DNAH5: variants seen among roughly 807,000 people sequenced by gnomAD.
The protein encoded by DNAH5 is axonemal beta dynein heavy chain 5.
Under a neutral mutation model 518.2 loss-of-function variants are expected in DNAH5, and 372 were observed. That is an observed-to-expected ratio of 0.72 (90% confidence interval 0.66 to 0.78). DNAH5 has a LOEUF of 0.78. Among genes scored for constraint, DNAH5 ranks in the 30% least tolerant of loss-of-function variants. The pLI, the probability that DNAH5 is intolerant of heterozygous loss-of-function variation, is 0.00. For missense variants in DNAH5, 5,523 were observed against 5,687.0 expected (o/e 0.97, Z 0.93); for synonymous variants, 2,039 against 2,025.9 (o/e 1.01, Z -0.17).
Position 13,717,295 on chromosome 5 carries a change from G to C in DNAH5, c.12705+20C>G, listed in dbSNP as rs760850770. 1.9e-6 allele frequency: 3 copies of C among 1,608,996 alleles called. No homozygotes were observed. Among genetic ancestry groups the C allele is most frequent in the South Asian group, 2.2e-5 (2 of 90,538 alleles). On this transcript the variant is annotated intron_variant, in intron 73 of 78. Coordinates refer to ENST00000265104, the MANE Select transcript of DNAH5 (RefSeq NM_001369.3). ...AAGCCCACAGCCACTAGAGGCATGA[G>C]GCAGCATGCGCGGCAGTACCTTTTT... is the stretch of plus-strand genomic sequence containing the variant.
intron 30 of DNAH5, among the ~76,000 whole-genome samples, chr5:13,858,187 T>C (rs377522309): frequency 1.3e-5 from 2 of 152,212 alleles, no homozygotes; most frequent in East Asian, 3.9e-4. Context: ...ATCAATGTTA[T>C]ACTGGATAAA....
intron 1 of DNAH5, among the ~76,000 whole-genome samples, chr5:13,975,250 C>G (rs1041131350): frequency 1.2e-4 from 18 of 152,148 alleles, no homozygotes; most frequent in Non-Finnish European, 1.5e-5. Flanking sequence ...CCAAGCAAAA[C>G]GGGTTTTTCC....
intron 1 of DNAH5, among the ~76,000 whole-genome samples, chr5:14,007,582 C>T (rs1784806499): frequency 6.6e-6 from 1 of 152,186 alleles, no homozygotes; most frequent in African/African-American, 2.4e-5. Flanking sequence ...GGTACAATGG[C>T]AGGCTTTCTC....
intron 35 of DNAH5, among the ~76,000 whole-genome samples, chr5:13,833,170 G>T (rs1763919102): frequency 6.6e-6 from 1 of 151,218 alleles, no homozygotes; most frequent in Non-Finnish European, 1.5e-5. Flanking sequence ...GCCAAGCACA[G>T]TGGCTCATGC....
chr5:13,832,675 C>T (rs1388502296), intron 35 of DNAH5, among the ~76,000 whole-genome samples: 1 of 152,208 alleles, frequency 6.6e-6, no homozygotes, highest in African/African-American at 2.4e-5. Flanking sequence ...TTGGTTCACA[C>T]TTGTACCCTC....
intron 12 of DNAH5, among the ~76,000 whole-genome samples, chr5:13,907,641 C>T (rs1457920857): frequency 6.6e-6 from 1 of 152,166 alleles, no homozygotes; most frequent in East Asian, 1.9e-4. Context: ...GAACGTCACA[C>T]ATCTTATACT....
At chr5:13,818,395 G>A (rs1458788722) in intron 41 of DNAH5, among the ~76,000 whole-genome samples, 1 of 152,206 alleles carries the variant, frequency 6.6e-6, no homozygotes, top group Non-Finnish European at 1.5e-5. Context: ...TCAGGAGTTC[G>A]AGATCAGCCT....
intron 65 of DNAH5, among the ~76,000 whole-genome samples, chr5:13,749,026 G>T (rs1224023309): frequency 6.6e-6 from 1 of 151,996 alleles, no homozygotes; most frequent in African/African-American, 2.4e-5. Flanking sequence ...AGACTGAGAA[G>T]GTCCAGCAGT....
chr5:13,930,395 G>A (rs1336374007), intron 2 of DNAH5, among the ~76,000 whole-genome samples: 5 of 152,128 alleles, frequency 3.3e-5, no homozygotes, highest in African/African-American at 1.2e-4. Context: ...CCCAAATCCA[G>A]TTGTTAAAAT....
At chr5:13,997,214 G>C (rs762905714) in intron 1 of DNAH5, among the ~76,000 whole-genome samples, 3 of 152,096 alleles carry the variant, frequency 2.0e-5, no homozygotes, top group African/African-American at 7.2e-5. Context: ...CTTCCCTTTT[G>C]ATTATAAATT....
rs1437605732 is a variant in DNAH5 at position 13,766,074 on chromosome 5, T to G, written c.10003A>C (p.Ser3335Arg). ...TTTTCCAGGTCAATTTTCACAGCAC[T>G]GACTTTCCTTTGAAACAGCAGCAGT... ...CVLLLFQRKV[S>R]AVKIDLEKSC... Residue 3335 changes from serine to arginine, a missense_variant, in exon 59 of 79, where the codon AGT becomes CGT. By Grantham distance (110) the Ser-to-Arg change is moderately radical (BLOSUM62 -1). This residue lies in a region of DNAH5 where 5,121 missense variants were observed against 5,223.3 expected (regional missense o/e 0.98). Transcript: ENST00000265104. The G allele has an allele frequency of 1.9e-6, 3 of 1,614,086 alleles. No homozygotes were observed.
At position 13,717,448 on chromosome 5, in the gene DNAH5, A is replaced by G. The variant is rs1312032248; in HGVS notation, c.12572T>C (p.Leu4191Pro). ...WKPMLYAVAF[L>P]HSTVQERRKF... ...GCGCCTCTCCTGGACAGTGGAGTGCAGGAAAGCCACTGCGTACAGCATGGG... is the reference window on the plus strand; with the variant it reads ...GCGCCTCTCCTGGACAGTGGAGTGCGGGAAAGCCACTGCGTACAGCATGGG... The change falls in exon 73 of 79, where the codon CTG becomes CCG. Residue 4191 changes from leucine (L) to proline (P), a missense_variant. Physicochemically the swap from Leu to Pro is moderately conservative, Grantham distance 98. Transcript: ENST00000265104. 6.2e-7 allele frequency: 1 copy of G among 1,614,192 alleles called. No homozygotes were observed. The highest frequency in any genetic ancestry group is 2.2e-5 in the East Asian group (1 of 44,870).
rs778257130 is a variant in DNAH5 at position 13,810,192 on chromosome 5, C to G, written c.7476G>C (p.Ala2492=). The G allele has an allele frequency of 1.3e-6, 2 of 1,549,650 alleles. No individual in the cohort carries two copies. The highest frequency in any genetic ancestry group is 2.0e-5 in the Admixed American group (1 of 50,964). ...RLFVFALLWS[A]GAALELDGRR... ...GTCCGTCCAGCTCCAGCGCCGCCCC[C>G]GCGCTCCACAGCAGCGCGAACACGA... The change falls in exon 45 of 79, where the codon GCG becomes GCC. Residue 2492 remains alanine, a synonymous_variant. Coordinates refer to ENST00000265104, the MANE Select transcript of DNAH5 (RefSeq NM_001369.3).
At position 13,827,649 on chromosome 5, in the gene DNAH5, C is replaced by A. The variant is rs543914258; in HGVS notation, c.6444+1861G>T. ...ACTTTGAGGGACTGTTGGAAGGGCA[C>A]GACTGTATTATGAATTGTGAGGACA... On this transcript the variant is annotated intron_variant, in intron 38 of 78. Coordinates refer to ENST00000265104, the MANE Select transcript of DNAH5 (RefSeq NM_001369.3). 1.4e-4 allele frequency among the ~76,000 whole-genome samples: 21 copies of A among 151,372 alleles called. No individual in the cohort carries two copies. In the East Asian group the frequency reaches 4.1e-3, roughly 30 times the overall value.
chr5:13,824,170 G>C (rs774925626), intron 39 of DNAH5, 29 bp downstream of exon 39: 27 of 1,611,742 alleles, frequency 1.7e-5, no homozygotes, highest in Non-Finnish European at 2.2e-5. Flanking sequence ...TATCCAAGTA[G>C]GTGGAACACT....
rs182674844 is a variant in DNAH5 at position 13,881,928 on chromosome 5, C to G, written c.3262+800G>C. Among the ~76,000 whole-genome samples, 15 of 152,008 alleles carry G rather than the reference C, an allele frequency of 9.9e-5. No individual in the cohort carries two copies. The East Asian group carries it at 1.7e-3, about 18-fold the overall frequency. Reference sequence around the variant, plus strand: ...GAAAAGCTACACAAAGTTGACAAATCCTTAGCTAGACTAAGTAAAAAAGAG... The same window carrying G: ...GAAAAGCTACACAAAGTTGACAAATGCTTAGCTAGACTAAGTAAAAAAGAG... On this transcript the variant is annotated intron_variant, in intron 21 of 78. Coordinates refer to ENST00000265104, the MANE Select transcript of DNAH5 (RefSeq NM_001369.3).
intron 1 of DNAH5, among the ~76,000 whole-genome samples, chr5:13,954,819 C>T (rs1404777386): frequency 6.6e-6 from 1 of 152,170 alleles, no homozygotes; most frequent in African/African-American, 2.4e-5. Context: ...CACATTGGGA[C>T]ATCTCTGACT....
intron 57 of DNAH5, among the ~76,000 whole-genome samples, 173 bp from the exon 58 acceptor site, chr5:13,769,309 G>A (rs564205632): frequency 1.9e-4 from 28 of 147,060 alleles, no homozygotes; most frequent in Non-Finnish European, 3.3e-4. Context: ...GTGCAGTAGC[G>A]CGATCTTGGC....
At chr5:13,699,952 A>G (rs941875470) in intron 78 of DNAH5, among the ~76,000 whole-genome samples, 6 of 152,222 alleles carry the variant, frequency 3.9e-5, no homozygotes, top group Non-Finnish European at 7.3e-5. Context: ...GAAAACATCA[A>G]TCCAATAACG....
Sources: allele counts gnomAD v4.1 joint callset (sites outside exome capture counted in the v4.1 genomes callset), GRCh38; gene constraint gnomAD v4.1.1; regional missense constraint gnomAD v4.1.1; transcripts MANE v1.5; gene names NCBI Gene and HGNC (gene_info 2026-07-23, HGNC 2026-07-21).